EPHB2: variants seen among roughly 807,000 people sequenced by gnomAD.
EPHB2 encodes EPH receptor B2.
A neutral mutation model predicts 96.4 loss-of-function variants in EPHB2; 18 were observed. The observed-to-expected ratio is 0.19, with a 90% CI of 0.13 to 0.28. The LOEUF is 0.28. EPHB2 is among the 10% of genes least tolerant of loss of function. EPHB2 has a pLI of 1.00. For missense variants in EPHB2, 989 were observed against 1,355.4 expected (o/e 0.73, Z 4.25); for synonymous variants, 506 against 534.1 (o/e 0.95, Z 0.72).
chr1:22,902,696 G>A (rs975411897), intron 9 of EPHB2, among the ~76,000 whole-genome samples: 1 of 152,208 alleles, frequency 6.6e-6, no homozygotes, highest in Non-Finnish European at 1.5e-5. Flanking sequence ...TCTTCCTGGG[G>A]AAAAGGGTAA....
intron 1 of EPHB2, among the ~76,000 whole-genome samples, chr1:22,715,303 G>A (rs985411454): frequency 1.3e-5 from 2 of 152,146 alleles, no homozygotes; most frequent in Non-Finnish European, 2.9e-5. Flanking sequence ...TGGGGATAAC[G>A]AATAGACCAG....
Position 22,857,875 on chromosome 1 carries a change from A to G in EPHB2, c.812-5162A>G, listed in dbSNP as rs561526096. Reference sequence around the variant, plus strand: ...CGGCTCTGCTAGGGGCTGGAGAAACAATGAAAGCCAGACAGACCCGGCTCC... The same window carrying G: ...CGGCTCTGCTAGGGGCTGGAGAAACGATGAAAGCCAGACAGACCCGGCTCC... On this transcript the variant is annotated intron_variant, in intron 3 of 15. Transcript: ENST00000374630. 2.0e-3 allele frequency among the ~76,000 whole-genome samples: 305 copies of G among 152,308 alleles called. 1 individual carries two copies. The highest frequency in any genetic ancestry group is 7.0e-3 in the African/African-American group (291 of 41,566).
chr1:22,825,356 A>C (rs1645208001), intron 3 of EPHB2, among the ~76,000 whole-genome samples: 1 of 152,136 alleles, frequency 6.6e-6, no homozygotes, highest in Middle Eastern at 3.4e-3. Flanking sequence ...TACACACCTA[A>C]CTCCTCGGAT....
chr1:22,907,457 G>C (rs943006636), intron 11 of EPHB2, among the ~76,000 whole-genome samples: 45 of 152,216 alleles, frequency 3.0e-4, no homozygotes, highest in African/African-American at 1.1e-3. Context: ...ACAGAGGAAA[G>C]TGTATAGGCC....
chr1:22,910,313 T>G, intron 13 of EPHB2, 69 bp from the exon 14 acceptor site: 1 of 1,595,192 alleles, frequency 6.3e-7, no homozygotes, highest in Non-Finnish European at 8.6e-7. Flanking sequence ...GGGGGTAAGA[T>G]GGGCCTGGCA....
chr1:22,903,194 G>A (rs1260769159), intron 9 of EPHB2, among the ~76,000 whole-genome samples: 1 of 152,210 alleles, frequency 6.6e-6, no homozygotes, highest in Admixed American at 6.5e-5. Context: ...GCTTGGCAGT[G>A]GAGGTGACCA....
At chr1:22,791,762 C>T (rs1161291808) in intron 3 of EPHB2, among the ~76,000 whole-genome samples, 1 of 152,124 alleles carries the variant, frequency 6.6e-6, no homozygotes, top group African/African-American at 2.4e-5. Context: ...AGATAGATTG[C>T]TTGCAGTATT....
chr1:22,734,716 C>T (rs1643789730), intron 1 of EPHB2, among the ~76,000 whole-genome samples: 1 of 152,166 alleles, frequency 6.6e-6, no homozygotes, highest in African/African-American at 2.4e-5. Context: ...GCTACCACTC[C>T]CGGCCTGAAT....
Position 22,895,567 on chromosome 1 carries a change from A to G in EPHB2, c.1687A>G (p.Ile563Val). ...CCTCATTGCTGTGGTTGTCATCGCC[A>G]TCGTGTGTAACAGGTGGGTGGGGTC... ...VFLIAVVVIA[I>V]VCNRRGFERA... Residue 563 changes from isoleucine (I) to valine (V), a missense_variant, in exon 8 of 16, where the codon ATC becomes GTC. By Grantham distance (29) the Ile-to-Val change is conservative (BLOSUM62 3). Transcript: ENST00000374630. 3 of 1,614,198 alleles carry G rather than the reference A, an allele frequency of 1.9e-6. No individual in the cohort carries two copies. Among genetic ancestry groups the G allele is most frequent in the East Asian group, 2.2e-5 (1 of 44,874 alleles).
chr1:22,729,625 G>C (rs140358241), intron 1 of EPHB2, among the ~76,000 whole-genome samples: 3 of 152,260 alleles, frequency 2.0e-5, no homozygotes, highest in Non-Finnish European at 4.4e-5. Context: ...CCTTTAGCTG[G>C]AATGCTGTTC....
At chr1:22,815,861 C>T (rs1645068573) in intron 3 of EPHB2, among the ~76,000 whole-genome samples, 1 of 152,172 alleles carries the variant, frequency 6.6e-6, no homozygotes, top group Non-Finnish European at 1.5e-5. Flanking sequence ...GAACTGACGG[C>T]TGTCTAAGCT....
chr1:22,781,170 A>C (rs533633909), intron 1 of EPHB2, among the ~76,000 whole-genome samples: 1 of 152,014 alleles, frequency 6.6e-6, no homozygotes, highest in South Asian at 2.1e-4. Flanking sequence ...AATACAAAAA[A>C]TTAGCCGGGC....
chr1:22,864,299 G>A (rs1440737406), intron 4 of EPHB2, among the ~76,000 whole-genome samples: 1 of 150,680 alleles, frequency 6.6e-6, no homozygotes, highest in African/African-American at 2.5e-5. Flanking sequence ...GCCTGCCTCG[G>A]CCTCCCAAAG....
chr1:22,808,648 A>G (rs1441222199), intron 3 of EPHB2, among the ~76,000 whole-genome samples: 2 of 152,184 alleles, frequency 1.3e-5, no homozygotes, highest in Non-Finnish European at 2.9e-5. Flanking sequence ...ATAGCTTAAC[A>G]TTTACTGAGT....
chr1:22,869,126 C>A (rs1196758366), intron 5 of EPHB2, among the ~76,000 whole-genome samples: 1 of 151,958 alleles, frequency 6.6e-6, no homozygotes, highest in Non-Finnish European at 1.5e-5. Context: ...ATTCCAAGCC[C>A]CTTGTCTTAC....
chr1:22,843,495 C>T (rs1384956725), intron 3 of EPHB2, among the ~76,000 whole-genome samples: 2 of 152,108 alleles, frequency 1.3e-5, no homozygotes, highest in East Asian at 3.9e-4. Flanking sequence ...CTCTCTCCTC[C>T]CACCCTCCAC....
intron 1 of EPHB2, among the ~76,000 whole-genome samples, chr1:22,759,507 G>A (rs1644205210): frequency 6.6e-6 from 1 of 152,164 alleles, no homozygotes; most frequent in Non-Finnish European, 1.5e-5. Context: ...GCTGAGCTCA[G>A]TACAACCCTG....
At chr1:22,853,904 C>T (rs1645661863) in intron 3 of EPHB2, among the ~76,000 whole-genome samples, 1 of 152,208 alleles carries the variant, frequency 6.6e-6, no homozygotes, top group Non-Finnish European at 1.5e-5. Flanking sequence ...CCTGGGTGCC[C>T]CCTTGGGCAA....
At chr1:22,894,327 G>T (rs1364394036) in intron 7 of EPHB2, among the ~76,000 whole-genome samples, 1 of 152,190 alleles carries the variant, frequency 6.6e-6, no homozygotes, top group East Asian at 1.9e-4. Flanking sequence ...GCTAGGCGCG[G>T]TGGCTCACAC....
Sources: gnomAD v4.1 joint callset for allele counts (sites outside exome capture counted in the v4.1 genomes callset) on GRCh38, gnomAD v4.1.1 for gene constraint, MANE v1.5 for transcripts, NCBI Gene and HGNC (gene_info 2026-07-23, HGNC 2026-07-21) for gene names.